The following CHIC2 variants were observed in gnomAD, a reference collection of about 807,000 sequenced individuals.
CHIC2 encodes the protein cysteine-rich hydrophobic domain-containing protein 2.
Under a neutral mutation model 25.9 loss-of-function variants are expected in CHIC2, and 14 were observed. The ratio of observed to expected loss-of-function variants is 0.54; its 90% CI spans 0.36 to 0.85. CHIC2 has a LOEUF of 0.85. Among genes scored for constraint, CHIC2 ranks in the 40% least tolerant of loss-of-function variants. The pLI, the probability that CHIC2 is intolerant of heterozygous loss-of-function variation, is 0.01. For missense variants in CHIC2, 146 were observed against 202.0 expected, an observed-to-expected ratio of 0.72 and a Z score of 1.68; for synonymous variants, 70 against 72.0, an observed-to-expected ratio of 0.97 and a Z score of 0.14.
chr4:54,072,109 A>G, the CHIC2 span, among the ~76,000 whole-genome samples: 20 of 152,216 alleles, frequency 1.3e-4, no homozygotes, highest in Admixed American at 2.6e-4. Context: ...CCTGGCCAAC[A>G]TGGTGAAACT....
At chr4:54,073,101 T>G in the CHIC2 span, among the ~76,000 whole-genome samples, 1 of 152,196 alleles carries the variant, frequency 6.6e-6, no homozygotes, top group Non-Finnish European at 1.5e-5. Flanking sequence ...CCCAAATCTT[T>G]TTTGTTTGTG....
At chr4:54,054,673 T>G (rs1435538256) in intron 1 of CHIC2, among the ~76,000 whole-genome samples, 1 of 152,234 alleles carries the variant, frequency 6.6e-6, no homozygotes, top group Non-Finnish European at 1.5e-5. Context: ...AGTGGGCATC[T>G]GCTTTAAGAA....
At chr4:54,026,270 A>G (rs890511628) in intron 3 of CHIC2, among the ~76,000 whole-genome samples, 5 of 152,200 alleles carry the variant, frequency 3.3e-5, no homozygotes, top group Admixed American at 2.6e-4. Flanking sequence ...ACCTGTAATC[A>G]CAACACTGGG....
intron 3 of CHIC2, among the ~76,000 whole-genome samples, chr4:54,038,456 C>T (rs1437190901): frequency 6.6e-6 from 1 of 151,952 alleles, no homozygotes; most frequent in Non-Finnish European, 1.5e-5. Context: ...AACTACAAAG[C>T]TCTAACAAAA....
chr4:54,022,282 G>A (rs1053377187), intron 3 of CHIC2, among the ~76,000 whole-genome samples: 4 of 152,146 alleles, frequency 2.6e-5, no homozygotes, highest in African/African-American at 4.8e-5. Context: ...GCTGAAGACC[G>A]ACGCTGCCCG....
intron 3 of CHIC2, among the ~76,000 whole-genome samples, chr4:54,045,609 C>T (rs1306385563): frequency 2.0e-5 from 3 of 151,968 alleles, no homozygotes; most frequent in Admixed American, 2.0e-4. Context: ...ACCCTTCATG[C>T]TAAAAACTCT....
chr4:54,073,443 C>T, the CHIC2 span, among the ~76,000 whole-genome samples: 1 of 152,198 alleles, frequency 6.6e-6, no homozygotes, highest in Non-Finnish European at 1.5e-5. Context: ...CACATTTTAT[C>T]TTATTCCCTT....
chr4:54,048,657 T>C (rs1255260998), intron 3 of CHIC2, among the ~76,000 whole-genome samples: 1 of 152,102 alleles, frequency 6.6e-6, no homozygotes, highest in African/African-American at 2.4e-5. Context: ...AGAAAAGTGG[T>C]AGAGCTGAAG....
Position 54,046,559 on chromosome 4 carries a change from T to C in CHIC2, c.330+2396A>G, listed in dbSNP as rs542049597. On this transcript the variant is annotated intron_variant, in intron 3 of 5. Transcript: ENST00000263921. ...AACAAGAAATGGGGAAAGGATTCCC[T>C]ATTTAATAAAGGGTGCTGGGAAAAC... 2.1e-3 allele frequency among the ~76,000 whole-genome samples: 321 copies of C among 152,350 alleles called. 2 individuals are homozygous for C. The highest frequency in any genetic ancestry group is 7.5e-3 in the African/African-American group (312 of 41,580).
intron 1 of CHIC2, among the ~76,000 whole-genome samples, chr4:54,057,396 T>G (rs1717208876): frequency 6.6e-6 from 1 of 152,192 alleles, no homozygotes; most frequent in South Asian, 2.1e-4. Context: ...AATATAGAGG[T>G]ATCCTTTCAG....
At chr4:54,014,473 T>C (rs1196747842) in intron 3 of CHIC2, among the ~76,000 whole-genome samples, 1 of 152,130 alleles carries the variant, frequency 6.6e-6, no homozygotes, top group Non-Finnish European at 1.5e-5. Context: ...ATACATATTT[T>C]AAAACAAAAG....
At chr4:54,056,833 G>T (rs1034866349) in intron 1 of CHIC2, among the ~76,000 whole-genome samples, 1 of 152,104 alleles carries the variant, frequency 6.6e-6, no homozygotes, top group Admixed American at 6.6e-5. Flanking sequence ...CAAATCTAAT[G>T]AATCATGTAC....
At chr4:54,087,783 G>A in the CHIC2 span, 1 of 451,816 alleles carries the variant, frequency 2.2e-6, no homozygotes, top group African/African-American at 2.0e-5. Context: ...ACAAAGCCCT[G>A]TGCTGGTCTA....
At chr4:54,022,398 A>T (rs1715929401) in intron 3 of CHIC2, among the ~76,000 whole-genome samples, 1 of 151,978 alleles carries the variant, frequency 6.6e-6, no homozygotes, top group Admixed American at 6.6e-5. Flanking sequence ...CCCACTCCAC[A>T]TTACCTTATT....
At chr4:54,080,626 C>T in the CHIC2 span, among the ~76,000 whole-genome samples, 1,176 of 151,438 alleles carry the variant, frequency 7.8e-3, 18 homozygotes, top group African/African-American at 0.026. Context: ...ATTAGCTGGG[C>T]GTGGTGGCAC....
At chr4:54,020,485 G>T (rs1159813610) in intron 3 of CHIC2, among the ~76,000 whole-genome samples, 1 of 152,134 alleles carries the variant, frequency 6.6e-6, no homozygotes, top group Non-Finnish European at 1.5e-5. Context: ...TTGTTTGGTG[G>T]TCTCTTCACA....
intron 3 of CHIC2, among the ~76,000 whole-genome samples, chr4:54,016,171 TTTATA>T (rs1359424078): frequency 1.3e-5 from 2 of 152,150 alleles, no homozygotes; most frequent in African/African-American, 2.4e-5. Context: ...AGCCCACTGT[TTTATA>T]TTAATGTATA....
chr4:54,073,036 C>G, the CHIC2 span, among the ~76,000 whole-genome samples: 1 of 152,062 alleles, frequency 6.6e-6, no homozygotes, highest in African/African-American at 2.4e-5. Flanking sequence ...CCACTGCACT[C>G]CAGCCTGGGT....
At chr4:54,053,217 T>G (rs1210489199) in intron 1 of CHIC2, among the ~76,000 whole-genome samples, 1 of 152,180 alleles carries the variant, frequency 6.6e-6, no homozygotes, top group African/African-American at 2.4e-5. Flanking sequence ...GTTGATAGAA[T>G]TTTCAGGAGT....
Sources: gnomAD v4.1 joint callset for allele counts (sites outside exome capture counted in the v4.1 genomes callset) on GRCh38, gnomAD v4.1.1 for gene constraint, MANE v1.5 for transcripts, NCBI Gene and HGNC (gene_info 2026-07-23, HGNC 2026-07-21) for gene names.